The following STRN variants were observed in gnomAD, a reference collection of about 807,000 sequenced individuals.
STRN encodes the protein striatin.
STRN carries 53 observed loss-of-function variants against 96.3 expected under a neutral mutation model. The ratio of observed to expected loss-of-function variants is 0.55; its 90% CI spans 0.44 to 0.69. STRN has a LOEUF of 0.69. Among genes scored for constraint, STRN ranks in the 30% least tolerant of loss-of-function variants. STRN has a pLI of 0.00. For missense variants in STRN, 987 were observed against 963.9 expected (o/e 1.02, Z -0.32); for synonymous variants, 428 against 355.9 (o/e 1.20, Z -2.28).
chr2:36,911,042 A>C (rs1669953493), intron 3 of STRN, among the ~76,000 whole-genome samples: 1 of 151,346 alleles, frequency 6.6e-6, no homozygotes, highest in Non-Finnish European at 1.5e-5. Flanking sequence ...CAAAGAATGC[A>C]AAAAAAAATC....
rs2540941 is a variant in STRN at position 36,837,861 on chromosome 2, C to T, written c.*11595G>A. ...TTCACAAACTAGTTAACTAAAAAGA[C>T]AAACGGTACAAACATATGGACCAAA... On this transcript the variant is annotated 3_prime_UTR_variant, in exon 18 of 18. Coordinates refer to ENST00000263918, the MANE Select transcript of STRN (RefSeq NM_003162.4). Among the ~76,000 whole-genome samples the T allele has an allele frequency of 0.049, 7,496 of 151,926 alleles. 300 individuals are homozygous for T. The highest frequency in any genetic ancestry group is 0.13 in the East Asian group (669 of 5,154).
intron 1 of STRN, among the ~76,000 whole-genome samples, chr2:36,927,527 G>T (rs980847602): frequency 6.9e-5 from 9 of 129,572 alleles, no homozygotes; most frequent in African/African-American, 2.6e-4. Flanking sequence ...AAAAAAAAGG[G>T]GGGGGGGGGT....
chr2:36,909,322 A>G (rs1669906921), intron 3 of STRN, among the ~76,000 whole-genome samples: 1 of 152,176 alleles, frequency 6.6e-6, no homozygotes, highest in Non-Finnish European at 1.5e-5. Flanking sequence ...GTGACATTAT[A>G]TAAAAGTGAG....
intron 3 of STRN, among the ~76,000 whole-genome samples, chr2:36,907,700 T>C (rs1396949323): frequency 6.6e-6 from 1 of 152,228 alleles, no homozygotes; most frequent in Non-Finnish European, 1.5e-5. Context: ...TTCAGGTTTT[T>C]TAGTTAGAAA....
At chr2:36,935,117 A>T (rs1465005416) in intron 1 of STRN, among the ~76,000 whole-genome samples, 1 of 152,166 alleles carries the variant, frequency 6.6e-6, no homozygotes, top group African/African-American at 2.4e-5. Flanking sequence ...TATTTTTAAA[A>T]AAATAAGTAG....
chr2:36,888,142 T>C (rs1669288190), intron 7 of STRN, among the ~76,000 whole-genome samples: 1 of 152,160 alleles, frequency 6.6e-6, no homozygotes, highest in African/African-American at 2.4e-5. Flanking sequence ...GGAAAACTAT[T>C]TTCTCTACCT....
At chr2:36,891,451 G>C (rs575681896) in intron 7 of STRN, among the ~76,000 whole-genome samples, 2 of 152,214 alleles carry the variant, frequency 1.3e-5, no homozygotes, top group Admixed American at 1.3e-4. Context: ...CTTGAATCCA[G>C]AAGGCGGAGA....
At chr2:36,849,851 A>G (rs765518350) in intron 16 of STRN, 51 bp from the exon 17 acceptor site, 4 of 1,561,872 alleles carry the variant, frequency 2.6e-6, no homozygotes, top group Admixed American at 1.7e-5. Context: ...CTCATCTTCA[A>G]TATTTGCCAG....
intron 3 of STRN, among the ~76,000 whole-genome samples, chr2:36,907,668 G>A (rs1669859164): frequency 6.6e-6 from 1 of 152,228 alleles, no homozygotes; most frequent in Non-Finnish European, 1.5e-5. Flanking sequence ...AGATAAGAAA[G>A]CTTGAGTTTT....
intron 12 of STRN, chr2:36,867,590 G>T: frequency 6.5e-6 from 2 of 308,642 alleles, no homozygotes; most frequent in East Asian, 5.2e-5. Flanking sequence ...ATATAAATAC[G>T]TACCTCACTT....
chr2:36,935,677 C>G (rs924583287), intron 1 of STRN, among the ~76,000 whole-genome samples: 1 of 152,182 alleles, frequency 6.6e-6, no homozygotes, highest in African/African-American at 2.4e-5. Context: ...GATTATAAAT[C>G]TGCTGAGGAC....
intron 1 of STRN, among the ~76,000 whole-genome samples, chr2:36,936,829 T>C (rs1386242097): frequency 2.0e-5 from 3 of 152,200 alleles, no homozygotes; most frequent in Admixed American, 6.6e-5. Flanking sequence ...TGTTGTTACA[T>C]CAACTATCAC....
intron 1 of STRN, among the ~76,000 whole-genome samples, chr2:36,954,224 A>G (rs2148272314): frequency 6.6e-6 from 1 of 152,162 alleles, no homozygotes; most frequent in African/African-American, 2.4e-5. Context: ...AAAAGCTCCA[A>G]ATTTGGCCAG....
At chr2:36,942,881 A>G (rs1481570504) in intron 1 of STRN, among the ~76,000 whole-genome samples, 1 of 140,022 alleles carries the variant, frequency 7.1e-6, no homozygotes, top group Non-Finnish European at 1.6e-5. Flanking sequence ...TTTTTGGTAA[A>G]GACAGAGTTT....
At chr2:36,900,123 A>C (rs1403946329) in intron 5 of STRN, among the ~76,000 whole-genome samples, 1 of 152,082 alleles carries the variant, frequency 6.6e-6, no homozygotes, top group African/African-American at 2.4e-5. Flanking sequence ...TCCTGAGCCC[A>C]AGTGATTCGC....
At chr2:36,899,999 C>T (rs978225359) in intron 5 of STRN, among the ~76,000 whole-genome samples, 4 of 152,092 alleles carry the variant, frequency 2.6e-5, no homozygotes, top group Non-Finnish European at 5.9e-5. Context: ...TGCAATTCTC[C>T]AGTTTCAGCC....
intron 1 of STRN, among the ~76,000 whole-genome samples, chr2:36,931,360 T>C (rs1200564395): frequency 2.0e-4 from 30 of 152,132 alleles, no homozygotes; most frequent in Admixed American, 1.9e-3. Flanking sequence ...TAAAGGAGAA[T>C]ATAGGAAAAA....
intron 4 of STRN, among the ~76,000 whole-genome samples, chr2:36,904,660 C>T (rs1338128985): frequency 2.0e-5 from 3 of 152,090 alleles, no homozygotes; most frequent in Non-Finnish European, 4.4e-5. Context: ...AAACCCATCT[C>T]TACAAAAATA....
At chr2:36,853,418 A>G (rs1668268368) in intron 15 of STRN, among the ~76,000 whole-genome samples, 1 of 152,260 alleles carries the variant, frequency 6.6e-6, no homozygotes, top group African/African-American at 2.4e-5. Context: ...AATAGCCTCA[A>G]TTGCTTTGAG....
Sources: allele counts gnomAD v4.1 joint callset (sites outside exome capture counted in the v4.1 genomes callset), GRCh38; gene constraint gnomAD v4.1.1; transcripts MANE v1.5; gene names NCBI Gene and HGNC (gene_info 2026-07-23, HGNC 2026-07-21).